Variants in FAM163B observed in about 807,000 individuals in gnomAD.
FAM163B encodes family with sequence similarity 163 member B.
Under a neutral mutation model 7.6 loss-of-function variants are expected in FAM163B, and 4 were observed. That is an observed-to-expected ratio of 0.52 (90% CI 0.26 to 1.20). FAM163B has a LOEUF of 1.20. Ranked by LOEUF, FAM163B falls within the 50% of genes most tolerant of loss-of-function variation. FAM163B has a pLI of 0.14. For synonymous variants in FAM163B, 120 were observed against 111.6 expected, an observed-to-expected ratio of 1.07 and a Z score of -0.47; for missense variants, 250 against 243.0, an observed-to-expected ratio of 1.03 and a Z score of -0.19.
chr9:133,596,171 T>C (rs569002198), intron 1 of FAM163B, among the ~76,000 whole-genome samples: 222 of 151,978 alleles, frequency 1.5e-3, no homozygotes, highest in Non-Finnish European at 2.6e-3. Context: ...GGAGCACCAA[T>C]AGGGCTTGTT....
chr9:133,599,352 G>T (rs1279771797), intron 1 of FAM163B, among the ~76,000 whole-genome samples: 1 of 152,214 alleles, frequency 6.6e-6, no homozygotes, highest in Non-Finnish European at 1.5e-5. Context: ...ACATGGTGCT[G>T]CATTGTGCCA....
intron 1 of FAM163B, chr9:133,586,290 G>C (rs1316908270): frequency 5.9e-5 from 9 of 152,394 alleles, no homozygotes; most frequent in Non-Finnish European, 1.0e-4. Context: ...GGAAGAGGGG[G>C]CAGTGAATCA....
rs559064166 is a variant in FAM163B, at chr9:133,599,433, CATCTGTGTGT to C, written c.-24+9634_-24+9643del. Among the ~76,000 whole-genome samples, 6 of 152,224 alleles carry C rather than the reference CATCTGTGTGT, an allele frequency of 3.9e-5. No individual in the cohort carries two copies. In the South Asian group the frequency reaches 1.2e-3, roughly 32 times the overall value. Reference sequence around the variant, plus strand: ...GCTGAAGCCTGTGTCTGTGTGTTTGCATCTGTGTGTGTCTGTGTATCTGTGTCTGTGGGTA... The same window carrying C: ...GCTGAAGCCTGTGTCTGTGTGTTTGCGTCTGTGTATCTGTGTCTGTGGGTA... On this transcript the variant is annotated intron_variant, in intron 1 of 2. Coordinates refer to ENST00000673969, the MANE Select transcript of FAM163B (RefSeq NM_001080515.3).
At chr9:133,583,452 T>C (rs970757787) in intron 1 of FAM163B, among the ~76,000 whole-genome samples, 4 of 152,160 alleles carry the variant, frequency 2.6e-5, no homozygotes, top group Non-Finnish European at 5.9e-5. Flanking sequence ...GAATGGGCCT[T>C]CAGTGCCTCC....
intron 1 of FAM163B, among the ~76,000 whole-genome samples, chr9:133,590,311 T>C (rs1041501387): frequency 7.3e-5 from 11 of 149,726 alleles, no homozygotes; most frequent in Non-Finnish European, 1.6e-4. Context: ...TGAGCCCAGC[T>C]CCTGGTCCCA....
intron 1 of FAM163B, among the ~76,000 whole-genome samples, chr9:133,607,253 C>T (rs1285696583): frequency 6.6e-6 from 1 of 152,212 alleles, no homozygotes; most frequent in Non-Finnish European, 1.5e-5. Context: ...AGGAAAGTGA[C>T]TTGCCCAAGG....
intron 1 of FAM163B, among the ~76,000 whole-genome samples, chr9:133,602,471 C>T (rs980228175): frequency 6.6e-6 from 1 of 152,148 alleles, no homozygotes; most frequent in South Asian, 2.1e-4. Flanking sequence ...GCTAACCCCT[C>T]CTCTTCTGGC....
At chr9:133,582,486 C>T (rs1326371363) in intron 1 of FAM163B, among the ~76,000 whole-genome samples, 1 of 152,192 alleles carries the variant, frequency 6.6e-6, no homozygotes, top group African/African-American at 2.4e-5. Flanking sequence ...CTACCATCCA[C>T]CTTGGGGCCC....
Position 133,578,834 on chromosome 9 carries a change from T to A in FAM163B, c.*188A>T. 8.9e-7 allele frequency: 1 copy of A among 1,126,652 alleles called. No individual in the cohort carries two copies. Among genetic ancestry groups the A allele is most frequent in the African/African-American group, 1.6e-5 (1 of 63,998 alleles). 69.8% of individuals were successfully genotyped at this position (1,126,652 alleles called of 1,614,324 possible). A position where few individuals can be genotyped will look rare whatever the true frequency, so the allele number is the denominator to read the frequency against. ...GCTGTGCCTCCCCCCAGGACACATT[T>A]GTGTTCAATGAGCCTTATCCCTGCC... On this transcript the variant is annotated 3_prime_UTR_variant, in exon 3 of 3. Coordinates refer to ENST00000673969, the MANE Select transcript of FAM163B (RefSeq NM_001080515.3).
chr9:133,601,234 T>C lies in FAM163B; in HGVS notation c.-24+7843A>G, dbSNP rs1271098333. On this transcript the variant is annotated intron_variant, in intron 1 of 2. Coordinates refer to ENST00000673969, the MANE Select transcript of FAM163B (RefSeq NM_001080515.3). This position sits in a 1 kb window ranked among gnomAD's most constrained non-coding sequence, Gnocchi z 4.1. ...GAGCTCTCTGGGCAGGGCGCGCCTT[T>C]GGAGCCGACTCAGTGATTCTATTAT... 6.6e-6 allele frequency among the ~76,000 whole-genome samples: 1 copy of C among 152,152 alleles called. No individual in the cohort carries two copies. Among genetic ancestry groups the C allele is most frequent in the South Asian group, 2.1e-4 (1 of 4,820 alleles).
chr9:133,599,223 G>A (rs1264742019), intron 1 of FAM163B, among the ~76,000 whole-genome samples: 8 of 152,210 alleles, frequency 5.3e-5, no homozygotes, highest in African/African-American at 1.2e-4. Context: ...CCATCGACTC[G>A]GAACTGCCAT....
rs1017097851 is a variant in FAM163B at position 133,606,073 on chromosome 9, G to A, written c.-24+3004C>T. Among the ~76,000 whole-genome samples the A allele has an allele frequency of 2.0e-5, 3 of 152,188 alleles. No homozygotes were observed. The highest frequency in any genetic ancestry group is 2.9e-5 in the Non-Finnish European group (2 of 68,036). ...CAGGGCTTACAAGCCTGGCGGAACCGGACCCCACCTGACTCTCCAGCCTCC... is the reference window on the plus strand; with the variant it reads ...CAGGGCTTACAAGCCTGGCGGAACCAGACCCCACCTGACTCTCCAGCCTCC... On this transcript the variant is annotated intron_variant, in intron 1 of 2. Coordinates refer to ENST00000673969, the MANE Select transcript of FAM163B (RefSeq NM_001080515.3). The surrounding 1 kb of genome is among the most constrained non-coding windows in gnomAD (Gnocchi z 4.0).
chr9:133,595,576 C>T (rs1471157802), intron 1 of FAM163B, among the ~76,000 whole-genome samples: 1 of 152,144 alleles, frequency 6.6e-6, no homozygotes, highest in Non-Finnish European at 1.5e-5. Flanking sequence ...CCCCTCCCTC[C>T]TTGGCTGGCT....
Position 133,579,295 on chromosome 9 carries a change from G to A in FAM163B, c.228C>T (p.Ala76=). The A allele has an allele frequency of 6.2e-7, 1 of 1,613,522 alleles. No homozygotes were observed. Among genetic ancestry groups the A allele is most frequent in the Non-Finnish European group, 8.5e-7 (1 of 1,179,928 alleles). ...GGGACTTCTGGCTGAAGGAGGTGGA[G>A]GCGGTGGGGTAGAGCGCCGGCCCGT... ...LTNGPALYPT[A]STSFSQKSPQ... The change falls in exon 3 of 3, where the codon GCC becomes GCT. Residue 76 remains alanine (A), a synonymous_variant. Coordinates refer to ENST00000673969, the MANE Select transcript of FAM163B (RefSeq NM_001080515.3).
intron 1 of FAM163B, among the ~76,000 whole-genome samples, chr9:133,588,279 T>C (rs1831471694): frequency 6.6e-6 from 1 of 152,098 alleles, no homozygotes; most frequent in African/African-American, 2.4e-5. Flanking sequence ...GGCAGTGCCA[T>C]GGGGGTCTCA....
rs1564192310 is a variant in FAM163B at position 133,587,957 on chromosome 9, G to GAA, written c.-23-7712_-23-7711insTT. Among the ~76,000 whole-genome samples, 3 of 151,046 alleles carry GAA rather than the reference G, an allele frequency of 2.0e-5. No individual in the cohort carries two copies. In the East Asian group the frequency reaches 5.9e-4, roughly 30 times the overall value. ...AAAGAGAAAAAGGTGATGGGCGAAC[G>GAA]GGGGCGCGAACGGGGGGCGAGCCTG... On this transcript the variant is annotated intron_variant, in intron 1 of 2. Coordinates refer to ENST00000673969, the MANE Select transcript of FAM163B (RefSeq NM_001080515.3).
intron 2 of FAM163B, among the ~76,000 whole-genome samples, chr9:133,579,632 C>T (rs1831323859): frequency 6.6e-6 from 1 of 152,234 alleles, no homozygotes; most frequent in South Asian, 2.1e-4. Flanking sequence ...TCACAACGAT[C>T]CACTCATCTC....
intron 1 of FAM163B, among the ~76,000 whole-genome samples, chr9:133,594,034 T>G (rs1831594734): frequency 6.6e-6 from 1 of 152,202 alleles, no homozygotes; most frequent in Non-Finnish European, 1.5e-5. Context: ...TGCGGGGACA[T>G]TTCTGTGACT....
chr9:133,592,573 A>G (rs2131245232), intron 1 of FAM163B, among the ~76,000 whole-genome samples: 1 of 152,196 alleles, frequency 6.6e-6, no homozygotes, highest in Non-Finnish European at 1.5e-5. Flanking sequence ...GCCAGTGAAC[A>G]TTGCCCTCTC....
Sources: gnomAD v4.1 joint callset for allele counts (sites outside exome capture counted in the v4.1 genomes callset) on GRCh38, gnomAD v4.1.1 for gene constraint, Gnocchi (gnomAD v3.1) non-coding constraint, MANE v1.5 for transcripts, NCBI Gene and HGNC (gene_info 2026-07-23, HGNC 2026-07-21) for gene names.